DSCAM: variants seen among roughly 807,000 people sequenced by gnomAD.
DSCAM encodes cell adhesion molecule DSCAM.
DSCAM carries 47 observed loss-of-function variants against 217.7 expected under a neutral mutation model. That is an observed-to-expected ratio of 0.22 (90% CI 0.17 to 0.28). The LOEUF (loss-of-function observed/expected upper bound fraction) is 0.28. Among genes scored for constraint, DSCAM ranks in the 10% least tolerant of loss-of-function variants. The probability of loss-of-function intolerance (pLI) is 1.00; values close to 1 mark genes in which losing one functional copy is unlikely to be tolerated. For missense variants in DSCAM, 2,080 were observed against 2,618.3 expected, an observed-to-expected ratio of 0.79 and a Z score of 4.49; for synonymous variants, 1,056 against 1,015.3, an observed-to-expected ratio of 1.04 and a Z score of -0.76.
intron 32 of DSCAM, among the ~76,000 whole-genome samples, chr21:40,039,836 AAG>A (rs2088711357): frequency 6.6e-6 from 1 of 152,206 alleles, no homozygotes; most frequent in African/African-American, 2.4e-5. Flanking sequence ...TAAAAAGGGA[AAG>A]AGAAAAAAAG....
intron 3 of DSCAM, among the ~76,000 whole-genome samples, chr21:40,508,071 C>A (rs1426966730): frequency 6.6e-6 from 1 of 152,112 alleles, no homozygotes; most frequent in Non-Finnish European, 1.5e-5. Flanking sequence ...TATGTTTAAT[C>A]TGGTTGTAGA....
chr21:40,544,314 T>G (rs539655905), intron 3 of DSCAM, among the ~76,000 whole-genome samples: 1 of 152,332 alleles, frequency 6.6e-6, no homozygotes, highest in East Asian at 1.9e-4. Flanking sequence ...ATAGCAGCTG[T>G]ACTAAGTTGA....
intron 3 of DSCAM, among the ~76,000 whole-genome samples, chr21:40,638,916 T>C (rs1230856054): frequency 2.6e-5 from 4 of 152,192 alleles, no homozygotes; most frequent in Non-Finnish European, 2.9e-5. Context: ...CCCTTCTCCC[T>C]GTTTTATATT....
intron 18 of DSCAM, among the ~76,000 whole-genome samples, chr21:40,134,376 A>G (rs403280): frequency 0.43 from 66,079 of 152,064 alleles, 15,146 homozygotes; most frequent in South Asian, 0.62. Flanking sequence ...ACTTAGGGCG[A>G]CACACACACG....
intron 1 of DSCAM, among the ~76,000 whole-genome samples, chr21:40,823,380 G>C (rs538439418): frequency 7.2e-5 from 11 of 152,174 alleles, no homozygotes; most frequent in African/African-American, 2.7e-4. Context: ...TGAGGTCAAA[G>C]TTACACTAAG....
At chr21:40,114,680 T>TA (rs1415683856) in intron 20 of DSCAM, among the ~76,000 whole-genome samples, 2 of 152,078 alleles carry the variant, frequency 1.3e-5, no homozygotes, top group African/African-American at 4.8e-5. Context: ...AAAGGGCTAA[T>TA]ATCCAGAATC....
chr21:40,133,062 G>A (rs2090170002), intron 19 of DSCAM, among the ~76,000 whole-genome samples: 1 of 152,196 alleles, frequency 6.6e-6, no homozygotes, highest in East Asian at 1.9e-4. Flanking sequence ...AATATTTTGG[G>A]AAGGTTCTAT....
chr21:40,421,665 T>C (rs1207894406), intron 3 of DSCAM, among the ~76,000 whole-genome samples: 1 of 152,226 alleles, frequency 6.6e-6, no homozygotes, highest in African/African-American at 2.4e-5. Context: ...TATCTTTGGC[T>C]CTCAGGAGAG....
chr21:40,278,050 A>G (rs2073712083), intron 10 of DSCAM, among the ~76,000 whole-genome samples: 1 of 152,148 alleles, frequency 6.6e-6, no homozygotes, highest in Non-Finnish European at 1.5e-5. Context: ...ATACAACATC[A>G]ATATACAAAA....
intron 1 of DSCAM, among the ~76,000 whole-genome samples, chr21:40,749,772 T>G (rs561669312): frequency 6.6e-6 from 1 of 152,176 alleles, no homozygotes; most frequent in African/African-American, 2.4e-5. Flanking sequence ...ATGTCTGTAC[T>G]CCATGTTTAC....
intron 1 of DSCAM, among the ~76,000 whole-genome samples, chr21:40,793,325 T>C (rs1214048538): frequency 6.6e-6 from 1 of 152,186 alleles, no homozygotes; most frequent in East Asian, 1.9e-4. Flanking sequence ...TGGCCATATC[T>C]GCCAAGAATG....
chr21:40,727,393 GA>G (rs1282900858), intron 1 of DSCAM, among the ~76,000 whole-genome samples: 1 of 151,978 alleles, frequency 6.6e-6, no homozygotes, highest in Non-Finnish European at 1.5e-5. Context: ...TAGTACTTCA[GA>G]AAAAAATTAA....
chr21:40,443,723 C>T (rs1225932895), intron 3 of DSCAM, among the ~76,000 whole-genome samples: 1 of 152,164 alleles, frequency 6.6e-6, no homozygotes, highest in African/African-American at 2.4e-5. Flanking sequence ...GTCCTCATAA[C>T]AAACACTAGC....
At chr21:40,524,338 CTCTT>C (rs569631884) in intron 3 of DSCAM, among the ~76,000 whole-genome samples, 90 of 152,154 alleles carry the variant, frequency 5.9e-4, no homozygotes, top group Non-Finnish European at 9.9e-4. Context: ...CAGGATAATT[CTCTT>C]TTTTTTCCTT....
At chr21:40,283,837 G>A (rs746943080) in intron 10 of DSCAM, among the ~76,000 whole-genome samples, 1 of 152,218 alleles carries the variant, frequency 6.6e-6, no homozygotes, top group Non-Finnish European at 1.5e-5. Flanking sequence ...GGAGAGCTTG[G>A]TCAATGAGCT....
At chr21:40,222,194 A>T (rs1194374824) in intron 11 of DSCAM, among the ~76,000 whole-genome samples, 3 of 152,338 alleles carry the variant, frequency 2.0e-5, no homozygotes, top group Non-Finnish European at 1.5e-5. Flanking sequence ...CCCAATATTT[A>T]AAGATATTTT....
intron 16 of DSCAM, among the ~76,000 whole-genome samples, chr21:40,164,470 A>G (rs1170622553): frequency 6.6e-6 from 1 of 152,158 alleles, no homozygotes; most frequent in African/African-American, 2.4e-5. Context: ...AGATTTTAAA[A>G]TTAGAAGCTC....
intron 8 of DSCAM, among the ~76,000 whole-genome samples, chr21:40,316,328 T>A (rs1569059465): frequency 6.6e-6 from 1 of 152,218 alleles, no homozygotes; most frequent in Non-Finnish European, 1.5e-5. Context: ...TTGTCAATCA[T>A]GTCAATTCTT....
At chr21:40,398,054 C>T (rs374996796) in intron 3 of DSCAM, among the ~76,000 whole-genome samples, 1 of 152,206 alleles carries the variant, frequency 6.6e-6, no homozygotes, top group Non-Finnish European at 1.5e-5. Flanking sequence ...GTTTAGGAGG[C>T]TGTGCTGCAC....
Sources: allele counts gnomAD v4.1 joint callset (sites outside exome capture counted in the v4.1 genomes callset), GRCh38; gene constraint gnomAD v4.1.1; transcripts MANE v1.5; gene names NCBI Gene and HGNC (gene_info 2026-07-23, HGNC 2026-07-21).